The following KANK1 variants were observed in gnomAD, a reference collection of about 807,000 sequenced individuals.
KANK1 encodes KN motif and ankyrin repeat domain-containing protein 1.
A neutral mutation model predicts 106.2 loss-of-function variants in KANK1; 109 were observed. The ratio of observed to expected loss-of-function variants is 1.03; its 90% CI spans 0.88 to 1.20. The LOEUF is 1.20. KANK1 is among the 50% of genes most tolerant of loss of function. The pLI is 0.00. For synonymous variants in KANK1, 873 were observed against 652.2 expected (o/e 1.34, Z -5.16); for missense variants, 2,399 against 1,710.7 (o/e 1.40, Z -7.10).
intron 1 of KANK1, among the ~76,000 whole-genome samples, chr9:664,829 C>T (rs1337464824): frequency 2.0e-5 from 3 of 152,144 alleles, no homozygotes; most frequent in Non-Finnish European, 1.5e-5. Flanking sequence ...GCATCCTCAC[C>T]AGCATGTTAT....
In KANK1 at chr9:734,728, C is replaced by G. The variant is rs1206723804; in HGVS notation, c.3246-20C>G. 3 of 1,530,938 alleles carry G rather than the reference C, an allele frequency of 2.0e-6. No individual in the cohort carries two copies. Among genetic ancestry groups the G allele is most frequent in the South Asian group, 1.1e-5 (1 of 89,068 alleles). The allele number at this position is 1,530,938 out of a possible 1,614,324, so 94.8% of individuals were successfully genotyped here. On this transcript the variant is annotated intron_variant, in intron 6 of 11. Coordinates refer to ENST00000382297, the MANE Select transcript of KANK1 (RefSeq NM_015158.5). ...ATTTTCTTCTTGTGACCAATCGTAACTTGTTTTTTCTCCTTTCAGGTATGA... is the reference window on the plus strand; with the variant it reads ...ATTTTCTTCTTGTGACCAATCGTAAGTTGTTTTTTCTCCTTTCAGGTATGA...
rs530658704 is a variant in KANK1, at chr9:737,262, T to C, written c.3334-1023T>C. 6.3e-4 allele frequency among the ~76,000 whole-genome samples: 96 copies of C among 152,272 alleles called. 1 individual carries two copies. Among genetic ancestry groups the C allele is most frequent in the African/African-American group, 2.1e-3 (89 of 41,556 alleles). ...ACTCTTCAAGTGACCCAAAATGTGA[T>C]TGAAATGGTTAAAACTAAATAATCA... On this transcript the variant is annotated intron_variant, in intron 7 of 11. Transcript: ENST00000382297.
intron 1 of KANK1, among the ~76,000 whole-genome samples, chr9:551,109 T>G (rs1247474830): frequency 6.6e-6 from 1 of 151,872 alleles, no homozygotes; most frequent in East Asian, 1.9e-4. Context: ...CAATTCATGG[T>G]TAATACAACA....
intron 3 of KANK1, among the ~76,000 whole-genome samples, chr9:714,361 A>AT (rs33935286): frequency 0.072 from 9,278 of 128,762 alleles, 982 homozygotes; most frequent in East Asian, 0.2. Flanking sequence ...TTTCCCACTC[A>AT]TTTTTTTTTT....
Position 569,828 on chromosome 9 carries a change from GT to G in KANK1, c.-84+65084del, listed in dbSNP as rs936771766. Among the ~76,000 whole-genome samples the G allele has an allele frequency of 2.9e-3, 431 of 146,506 alleles. 1 individual carries two copies. Among genetic ancestry groups the G allele is most frequent in the African/African-American group, 0.01 (418 of 40,140 alleles). ...TAATCATTTTTCAAACAGATTGGGT[GT>G]TTTTTTTTTCTCATTTCAATATGTA... On this transcript the variant is annotated intron_variant, in intron 1 of 11. Coordinates refer to ENST00000382297, the MANE Select transcript of KANK1 (RefSeq NM_015158.5).
chr9:706,534 CT>C (rs148491776), intron 2 of KANK1, among the ~76,000 whole-genome samples: 1 of 147,434 alleles, frequency 6.8e-6, no homozygotes, highest in African/African-American at 2.5e-5. Context: ...TCTGAGTGCC[CT>C]TTTTTTACGT....
chr9:659,752 A>G (rs1022350005), intron 1 of KANK1, among the ~76,000 whole-genome samples: 7 of 151,812 alleles, frequency 4.6e-5, no homozygotes, highest in African/African-American at 1.7e-4. Context: ...TCTCGGGGGA[A>G]GTCCGCCCCC....
intron 2 of KANK1, chr9:706,771 C>G (rs1469385890): frequency 1.0e-5 from 10 of 985,354 alleles, no homozygotes; most frequent in Non-Finnish European, 1.1e-5. Context: ...GTGAGTGCTG[C>G]CCGGATCCTG....
intron 1 of KANK1, among the ~76,000 whole-genome samples, chr9:590,723 CCT>C (rs890391629): frequency 2.6e-5 from 4 of 151,366 alleles, no homozygotes; most frequent in Non-Finnish European, 4.4e-5. Flanking sequence ...AAATTATAAA[CCT>C]CTCTGCTTAT....
chr9:506,358 A>C (rs1052206243), intron 1 of KANK1, among the ~76,000 whole-genome samples: 1 of 152,330 alleles, frequency 6.6e-6, no homozygotes. Context: ...TAAAATGAAT[A>C]AGGATGGAAG....
chr9:723,152 C>T (rs903392021), intron 3 of KANK1, among the ~76,000 whole-genome samples: 1 of 152,148 alleles, frequency 6.6e-6, no homozygotes, highest in Non-Finnish European at 1.5e-5. Context: ...CCACTCTGAA[C>T]AGAATGGACA....
At chr9:656,682 C>G (rs1045702352) in intron 1 of KANK1, among the ~76,000 whole-genome samples, 1 of 152,126 alleles carries the variant, frequency 6.6e-6, no homozygotes, top group Non-Finnish European at 1.5e-5. Context: ...CAGCAGAACT[C>G]TTGAAGAATC....
chr9:650,069 C>T (rs896981671), intron 1 of KANK1, among the ~76,000 whole-genome samples: 4 of 152,204 alleles, frequency 2.6e-5, no homozygotes, highest in African/African-American at 9.7e-5. Context: ...ACTGTCCCTA[C>T]TGCCAGCATT....
intron 1 of KANK1, among the ~76,000 whole-genome samples, chr9:514,201 TCCCTCTCTCCCTCCCTCCCTTC>T (rs1246788673): frequency 3.6e-5 from 3 of 82,456 alleles, no homozygotes; most frequent in African/African-American, 3.0e-4. Flanking sequence ...CCTTCCTCCC[TCCCTCTCTCCCTCCCTCCCTTC>T]CTCCCTCCCT....
intron 3 of KANK1, among the ~76,000 whole-genome samples, chr9:485,916 G>C (rs1337266695): frequency 1.3e-5 from 2 of 151,288 alleles, no homozygotes; most frequent in Non-Finnish European, 2.9e-5. Context: ...GAGATGTAGA[G>C]AAGCTGAGTC....
chr9:600,236 G>T (rs1169332275), intron 1 of KANK1, among the ~76,000 whole-genome samples: 1 of 151,298 alleles, frequency 6.6e-6, no homozygotes, highest in East Asian at 1.9e-4. Context: ...TCTACTTTCT[G>T]TCTCTGTAAT....
chr9:706,944 A>C (rs899828005), intron 2 of KANK1: 2 of 985,370 alleles, frequency 2.0e-6, no homozygotes, highest in Non-Finnish European at 1.2e-6. Flanking sequence ...TTTAAAAATC[A>C]GCTGGCAAAG....
chr9:655,686 C>T (rs1841987839), intron 1 of KANK1, among the ~76,000 whole-genome samples: 1 of 152,198 alleles, frequency 6.6e-6, no homozygotes, highest in African/African-American at 2.4e-5. Flanking sequence ...TGCTTATCAA[C>T]ACACAGTTTT....
rs1321741957 is a variant in KANK1, at chr9:745,433, TTC to T, written c.*200_*201del. 8.7e-6 allele frequency: 5 copies of T among 577,098 alleles called. No individual in the cohort carries two copies. Among genetic ancestry groups the T allele is most frequent in the Non-Finnish European group, 1.5e-5 (5 of 326,036 alleles). The allele number at this position is 577,098 out of a possible 1,614,324, so 35.7% of individuals were successfully genotyped here. A position where few individuals can be genotyped will look rare whatever the true frequency, so the allele number is the denominator to read the frequency against. On this transcript the variant is annotated 3_prime_UTR_variant, in exon 12 of 12. Coordinates refer to ENST00000382297, the MANE Select transcript of KANK1 (RefSeq NM_015158.5). ...CACACACACCTCCTTTCTGGCCGTC[TTC>T]TGTGTAGGGCACACTTTAACCCAGT...
Sources: gnomAD v4.1 joint callset for allele counts (sites outside exome capture counted in the v4.1 genomes callset) on GRCh38, gnomAD v4.1.1 for gene constraint, MANE v1.5 for transcripts, NCBI Gene and HGNC (gene_info 2026-07-23, HGNC 2026-07-21) for gene names.